Variants in DCUN1D3 observed in about 807,000 individuals in gnomAD.
The protein encoded by DCUN1D3 is defective in cullin neddylation 1 domain containing 3.
DCUN1D3 carries 6 observed loss-of-function variants against 24.8 expected under a neutral mutation model. The ratio of observed to expected loss-of-function variants is 0.24; its 90% confidence interval spans 0.13 to 0.48. The LOEUF is 0.48. Ranked by LOEUF, DCUN1D3 falls within the 20% of genes least tolerant of loss-of-function variation. DCUN1D3 has a pLI of 0.99. For synonymous variants in DCUN1D3, 120 were observed against 144.9 expected (o/e 0.83, Z 1.24); for missense variants, 258 against 379.4 (o/e 0.68, Z 2.66).
intron 1 of DCUN1D3, among the ~76,000 whole-genome samples, chr16:20,864,887 G>C (rs2081753562): frequency 6.6e-6 from 1 of 152,146 alleles, no homozygotes; most frequent in Non-Finnish European, 1.5e-5. Flanking sequence ...AACTAACGCA[G>C]GGACAGAAAA....
chr16:20,895,867 T>G (rs1223932119), intron 1 of DCUN1D3, among the ~76,000 whole-genome samples: 1 of 152,186 alleles, frequency 6.6e-6, no homozygotes. Flanking sequence ...TACCACGTCA[T>G]TACCATTGTT....
In DCUN1D3 at chr16:20,859,858, C is replaced by G. The variant is rs1332065075; in HGVS notation, c.*28G>C. 1 of 1,559,280 alleles carries G rather than the reference C, an allele frequency of 6.4e-7. No homozygotes were observed. Among genetic ancestry groups the G allele is most frequent in the South Asian group, 1.2e-5 (1 of 82,478 alleles). Reference sequence around the variant, plus strand: ...GTTGGCTGCAGGGCAGCTGGCAGATCCTTGCTGCTGCTCCTGGGACAGAGC... The same window carrying G: ...GTTGGCTGCAGGGCAGCTGGCAGATGCTTGCTGCTGCTCCTGGGACAGAGC... On this transcript the variant is annotated 3_prime_UTR_variant, in exon 3 of 3. Coordinates refer to ENST00000324344, the MANE Select transcript of DCUN1D3 (RefSeq NM_173475.4).
At position 20,862,131 on chromosome 16, in the gene DCUN1D3, A is replaced by G; in HGVS notation, c.408T>C (p.Ala136=). The G allele has an allele frequency of 6.2e-7, 1 of 1,614,176 alleles. No homozygotes were observed. The highest frequency in any genetic ancestry group is 8.5e-7 in the Non-Finnish European group (1 of 1,180,018). Residue 136 remains alanine, a synonymous_variant, in exon 2 of 3, where the codon GCT becomes GCC. Transcript: ENST00000324344. ...RVLLLAWKFQ[A]ATMCKFTRKE... ...ACCTGGTGAATTTGCACATGGTTGC[A>G]GCCTGGAACTTCCAAGCCAAGAGCA...
chr16:20,869,934 C>T (rs1933265507), intron 1 of DCUN1D3, among the ~76,000 whole-genome samples: 1 of 152,120 alleles, frequency 6.6e-6, no homozygotes, highest in African/African-American at 2.4e-5. Context: ...TTCCCCTACC[C>T]CTAAGGAGGT....
In DCUN1D3 at chr16:20,860,189, T is replaced by C; in HGVS notation, c.612A>G (p.Ile204Met). The change falls in exon 3 of 3, where the codon ATA becomes ATG. Residue 204 changes from isoleucine to methionine, a missense_variant. Coordinates refer to ENST00000324344, the MANE Select transcript of DCUN1D3 (RefSeq NM_173475.4). The surrounding 1 kb of genome is among the most constrained non-coding windows in gnomAD (Gnocchi z 4.3). ...EEGQRSLHREIAIALWKLVFT... is the reference protein window; with the variant it reads ...EEGQRSLHREMAIALWKLVFT... The stretch of plus-strand genomic sequence containing the variant: ...AGACTAGTTTCCACAGGGCAATGGC[T>C]ATTTCCCGATGCAGTGACCGCTGCC... The C allele has an allele frequency of 6.2e-7, 1 of 1,614,246 alleles. No homozygotes were observed. Among genetic ancestry groups the C allele is most frequent in the Non-Finnish European group, 8.5e-7 (1 of 1,180,032 alleles).
intron 1 of DCUN1D3, among the ~76,000 whole-genome samples, chr16:20,877,341 G>A (rs2081821137): frequency 6.6e-6 from 1 of 152,008 alleles, no homozygotes; most frequent in South Asian, 2.1e-4. Flanking sequence ...TGTGTTCCAT[G>A]TTCAACCAAT....
Position 20,860,274 on chromosome 16 carries a change from T to C in DCUN1D3, c.527A>G (p.Glu176Gly). 6.2e-7 allele frequency: 1 copy of C among 1,614,230 alleles called. No homozygotes were observed. Among genetic ancestry groups the C allele is most frequent in the East Asian group, 2.2e-5 (1 of 44,884 alleles). The change falls in exon 3 of 3, where the codon GAG (glutamate) becomes GGG (glycine). Residue 176 changes from glutamate (E) to glycine (G), a missense_variant. By Grantham distance (98) the Glu-to-Gly change is moderately conservative. Coordinates refer to ENST00000324344, the MANE Select transcript of DCUN1D3 (RefSeq NM_173475.4). This position sits in a 1 kb window ranked among gnomAD's most constrained non-coding sequence, Gnocchi z 4.3. ...CCGGTAGAGATCCTTGAATTTATCC[T>C]CTTGTTTGGCTTCTGTTAAGAGGCT... is the stretch of plus-strand genomic sequence containing the variant. ...FPSLLTEAKQ[E>G]DKFKDLYRFT...
chr16:20,872,595 C>G (rs2081794272), intron 1 of DCUN1D3, among the ~76,000 whole-genome samples: 1 of 152,130 alleles, frequency 6.6e-6, no homozygotes, highest in South Asian at 2.1e-4. Context: ...AAGATCCACA[C>G]AATAAAAGAA....
At chr16:20,874,185 C>A (rs566056300) in intron 1 of DCUN1D3, among the ~76,000 whole-genome samples, 2 of 152,322 alleles carry the variant, frequency 1.3e-5, no homozygotes, top group African/African-American at 4.8e-5. Flanking sequence ...TGTTCTGATT[C>A]ATGGTTCAGA....
At chr16:20,896,657 ATGAAG>A (rs1490851647) in intron 1 of DCUN1D3, among the ~76,000 whole-genome samples, 1 of 152,244 alleles carries the variant, frequency 6.6e-6, no homozygotes, top group African/African-American at 2.4e-5. Context: ...TGAAATGAAA[ATGAAG>A]TGGAGAGCTT....
At chr16:20,875,283 C>G (rs926722280) in intron 1 of DCUN1D3, among the ~76,000 whole-genome samples, 1 of 151,136 alleles carries the variant, frequency 6.6e-6, no homozygotes, top group Non-Finnish European at 1.5e-5. Context: ...ATAGGGGGTC[C>G]ATGAAATTAC....
At chr16:20,881,619 G>A (rs1337937231) in intron 1 of DCUN1D3, among the ~76,000 whole-genome samples, 4 of 151,906 alleles carry the variant, frequency 2.6e-5, no homozygotes, top group African/African-American at 9.7e-5. Context: ...TTACAGTCAT[G>A]ATAGCATTTA....
intron 1 of DCUN1D3, among the ~76,000 whole-genome samples, chr16:20,867,428 A>G (rs530375052): frequency 1.2e-4 from 18 of 152,322 alleles, no homozygotes; most frequent in African/African-American, 4.3e-4. Context: ...CAGCCCCACC[A>G]GACGTGGAAA....
At chr16:20,861,351 T>C (rs1166713075) in intron 2 of DCUN1D3, among the ~76,000 whole-genome samples, 1 of 147,892 alleles carries the variant, frequency 6.8e-6, no homozygotes, top group Non-Finnish European at 1.5e-5. Flanking sequence ...GCACTTACCA[T>C]ATTGGTACTC....
At chr16:20,863,517 G>C (rs1172882922) in intron 1 of DCUN1D3, among the ~76,000 whole-genome samples, 1 of 152,172 alleles carries the variant, frequency 6.6e-6, no homozygotes, top group African/African-American at 2.4e-5. Flanking sequence ...AGGTGGGTGG[G>C]CAGATAGCTT....
chr16:20,880,207 T>A (rs1358736365), intron 1 of DCUN1D3, among the ~76,000 whole-genome samples: 1 of 152,084 alleles, frequency 6.6e-6, no homozygotes, highest in African/African-American at 2.4e-5. Flanking sequence ...AATAGTCAAA[T>A]ATAAAAAGTA....
At chr16:20,896,198 A>T (rs1044402259) in intron 1 of DCUN1D3, 1 of 152,188 alleles carries the variant, frequency 6.6e-6, no homozygotes, top group African/African-American at 2.4e-5. Context: ...TCAACTTATG[A>T]TGGGGTTATA....
chr16:20,876,436 A>T (rs1445150495), intron 1 of DCUN1D3, among the ~76,000 whole-genome samples: 1 of 148,928 alleles, frequency 6.7e-6, no homozygotes, highest in Non-Finnish European at 1.5e-5. Flanking sequence ...TGGTTATGAA[A>T]AAAAAAAAAA....
chr16:20,895,443 A>G (rs1000386693), intron 1 of DCUN1D3, among the ~76,000 whole-genome samples: 1 of 152,108 alleles, frequency 6.6e-6, no homozygotes, highest in Non-Finnish European at 1.5e-5. Flanking sequence ...TAGGCATTAT[A>G]AGTAATCTGG....
Sources: gnomAD v4.1 joint callset for allele counts (sites outside exome capture counted in the v4.1 genomes callset) on GRCh38, gnomAD v4.1.1 for gene constraint, Gnocchi (gnomAD v3.1) non-coding constraint, MANE v1.5 for transcripts, NCBI Gene and HGNC (gene_info 2026-07-23, HGNC 2026-07-21) for gene names.